MORN3: variants seen among roughly 807,000 people sequenced by gnomAD.
MORN3 encodes the protein MORN repeat containing 3.
A neutral mutation model predicts 34.7 loss-of-function variants in MORN3; 38 were observed. That is an observed-to-expected ratio of 1.10 (90% CI 0.85 to 1.44). MORN3 has a LOEUF of 1.44. Ranked by LOEUF, MORN3 falls within the 40% of genes most tolerant of loss-of-function variation. MORN3 has a pLI of 0.00. For synonymous variants in MORN3, 109 were observed against 115.3 expected (o/e 0.95, Z 0.35); for missense variants, 311 against 321.7 (o/e 0.97, Z 0.25).
At chr12:121,669,704 G>A, upstream of MORN3, 1 of 469,732 alleles carries the variant, frequency 2.1e-6, no homozygotes, top group South Asian at 2.4e-5. Flanking sequence ...CCTCCCAGGG[G>A]GTCTGATGGC....
chr12:121,652,982 TG>T, intron 4 of MORN3, 92 bp downstream of exon 4: 1 of 1,472,646 alleles, frequency 6.8e-7, no homozygotes, highest in Non-Finnish European at 9.2e-7. Flanking sequence ...TGGGCTTGGC[TG>T]GGCCTGGCAG....
At chr12:121,657,858 C>G (rs1594226050) in intron 2 of MORN3, among the ~76,000 whole-genome samples, 1 of 151,910 alleles carries the variant, frequency 6.6e-6, no homozygotes, top group Admixed American at 6.6e-5. Flanking sequence ...AAGAGCGAAA[C>G]TCCATCTCAA....
upstream of MORN3, among the ~76,000 whole-genome samples, chr12:121,670,622 A>G (rs1337248035): frequency 6.6e-6 from 1 of 151,568 alleles, no homozygotes; most frequent in Non-Finnish European, 1.5e-5. Flanking sequence ...CAGCCTAGTC[A>G]ACATGGTGAA....
chr12:121,652,609 C>T, intron 5 of MORN3, 119 bp downstream of exon 5: 1 of 853,864 alleles, frequency 1.2e-6, no homozygotes, highest in Non-Finnish European at 1.9e-6. Context: ...CCTCGATGGT[C>T]TTGCTCCCCC....
At chr12:121,666,549 C>T (rs370690864) in intron 1 of MORN3, among the ~76,000 whole-genome samples, 2 of 152,132 alleles carry the variant, frequency 1.3e-5, no homozygotes, top group African/African-American at 4.8e-5. Context: ...TTCCTCCATC[C>T]TGTCACTAAG....
At chr12:121,660,730 A>C (rs1366124351) in intron 1 of MORN3, among the ~76,000 whole-genome samples, 1 of 138,554 alleles carries the variant, frequency 7.2e-6, no homozygotes, top group Non-Finnish European at 1.5e-5. Flanking sequence ...GTGCAATGGC[A>C]CGATCTCGGC....
At chr12:121,664,084 T>C (rs1287644897) in intron 1 of MORN3, among the ~76,000 whole-genome samples, 2 of 152,238 alleles carry the variant, frequency 1.3e-5, no homozygotes, top group Middle Eastern at 3.4e-3. Context: ...TAAGTCCATT[T>C]GGGCCACCAC....
intron 1 of MORN3, among the ~76,000 whole-genome samples, chr12:121,668,727 A>G (rs1893853687): frequency 6.6e-6 from 1 of 152,186 alleles, no homozygotes; most frequent in Non-Finnish European, 1.5e-5. Flanking sequence ...CCCCTCAAAA[A>G]AAAAGAGTAC....
upstream of MORN3, among the ~76,000 whole-genome samples, chr12:121,670,234 T>A (rs1312430518): frequency 6.6e-6 from 1 of 151,592 alleles, no homozygotes; most frequent in Non-Finnish European, 1.5e-5. Context: ...CACCTAGGAG[T>A]AGGGAAAAAT....
Position 121,659,516 on chromosome 12 carries a change from ATTTC to A in MORN3, c.146-172_146-169del, listed in dbSNP as rs539023370. On this transcript the variant is annotated intron_variant, in intron 1 of 5. Coordinates refer to ENST00000355329, the MANE Select transcript of MORN3 (RefSeq NM_173855.5). ...CCCAGGAGAAGGCCAGGAAAGTTCC[ATTTC>A]TTTCTTTCTTTCTTTCTTTCTTTTT... is the stretch of plus-strand genomic sequence containing the variant. 2.9e-3 allele frequency among the ~76,000 whole-genome samples: 436 copies of A among 149,700 alleles called. 1 individual carries two copies. Among genetic ancestry groups the A allele is most frequent in the East Asian group, 5.3e-3 (27 of 5,054 alleles).
chr12:121,661,593 G>A (rs1893584252), intron 1 of MORN3, among the ~76,000 whole-genome samples: 1 of 151,902 alleles, frequency 6.6e-6, no homozygotes, highest in Non-Finnish European at 1.5e-5. Context: ...ATCTTATGGG[G>A]GGGCTGGGCG....
chr12:121,670,293 C>T (rs565580292), upstream of MORN3, among the ~76,000 whole-genome samples: 6 of 152,162 alleles, frequency 3.9e-5, no homozygotes, highest in Non-Finnish European at 8.8e-5. Flanking sequence ...AGTGGGGAAA[C>T]AATCTCAGGT....
intron 1 of MORN3, among the ~76,000 whole-genome samples, chr12:121,660,654 T>TTTTC (rs201299609): frequency 1.4e-5 from 2 of 142,092 alleles, no homozygotes; most frequent in Admixed American, 7.3e-5. Context: ...CGGCCTTTTT[T>TTTTC]TTTCTTTCTT....
At chr12:121,660,859 G>A (rs1893561426) in intron 1 of MORN3, among the ~76,000 whole-genome samples, 1 of 151,818 alleles carries the variant, frequency 6.6e-6, no homozygotes, top group Non-Finnish European at 1.5e-5. Context: ...GTAGAGACGG[G>A]GGTCTCTCCA....
At chr12:121,664,886 A>C (rs1479499471) in intron 1 of MORN3, among the ~76,000 whole-genome samples, 7 of 150,876 alleles carry the variant, frequency 4.6e-5, no homozygotes, top group African/African-American at 1.7e-4. Context: ...AAAAAAAAAA[A>C]AGACACTGAT....
chr12:121,671,042 A>G (rs1296792039), upstream of MORN3, among the ~76,000 whole-genome samples: 1 of 136,952 alleles, frequency 7.3e-6, no homozygotes, highest in African/African-American at 2.8e-5. Context: ...ACCAGGGAGG[A>G]GAAGGCTGCA....
At chr12:121,654,179 G>T in intron 3 of MORN3, 95 bp downstream of exon 3, 1 of 995,172 alleles carries the variant, frequency 1.0e-6, no homozygotes, top group Non-Finnish European at 1.5e-6. Flanking sequence ...AAGAGTGTGG[G>T]GTGTGGCCTG....
At chr12:121,653,472 G>T (rs1399158709) in intron 3 of MORN3, among the ~76,000 whole-genome samples, 2 of 151,520 alleles carry the variant, frequency 1.3e-5, no homozygotes, top group Non-Finnish European at 2.9e-5. Flanking sequence ...GGGCATAGTG[G>T]TGTGCACCTA....
At chr12:121,660,562 G>C (rs1893552051) in intron 1 of MORN3, among the ~76,000 whole-genome samples, 1 of 151,392 alleles carries the variant, frequency 6.6e-6, no homozygotes, top group Non-Finnish European at 1.5e-5. Flanking sequence ...TATTGGCCAG[G>C]CTGGTCTCTA....
Sources: allele counts gnomAD v4.1 joint callset (sites outside exome capture counted in the v4.1 genomes callset), GRCh38; gene constraint gnomAD v4.1.1; transcripts MANE v1.5; gene names NCBI Gene and HGNC (gene_info 2026-07-23, HGNC 2026-07-21).